The following IDE variants were observed in gnomAD, a reference collection of about 807,000 sequenced individuals.
IDE encodes insulin degrading enzyme.
A neutral mutation model predicts 133.2 loss-of-function variants in IDE; 58 were observed. That is an observed-to-expected ratio of 0.44 (90% confidence interval 0.35 to 0.54). The LOEUF (loss-of-function observed/expected upper bound fraction) is 0.54. Ranked by LOEUF, IDE falls within the 20% of genes least tolerant of loss-of-function variation. The pLI is 0.00. For synonymous variants in IDE, 396 were observed against 421.3 expected (o/e 0.94, Z 0.73); for missense variants, 981 against 1,234.0 (o/e 0.79, Z 3.07).
chr10:92,463,080 A>C (rs578079490), intron 21 of IDE, among the ~76,000 whole-genome samples: 3 of 152,204 alleles, frequency 2.0e-5, no homozygotes, highest in Non-Finnish European at 2.9e-5. Context: ...AACAAAAATA[A>C]AAATTATGGG....
chr10:92,462,788 G>C (rs1343291784), intron 21 of IDE, among the ~76,000 whole-genome samples: 5 of 152,160 alleles, frequency 3.3e-5, no homozygotes, highest in African/African-American at 9.7e-5. Context: ...TACTTAATAA[G>C]GGCTGCAGTG....
At position 92,463,726 on chromosome 10, in the gene IDE, C is replaced by T. The variant is rs1845518461; in HGVS notation, c.2761+5G>A. ...ATAAATGTTGGAGCCCTAATTTTAC[C>T]TTACCTCTGTCAAAATTATATTGCT... On this transcript the variant is annotated splice_donor_5th_base_variant and intron_variant, in intron 21 of 24. Transcript: ENST00000265986. 1.9e-6 allele frequency: 3 copies of T among 1,612,126 alleles called. No homozygotes were observed. The highest frequency in any genetic ancestry group is 1.3e-5 in the African/African-American group (1 of 74,812).
intron 13 of IDE, among the ~76,000 whole-genome samples, chr10:92,486,332 A>G (rs966205824): frequency 1.3e-5 from 2 of 152,174 alleles, no homozygotes; most frequent in African/African-American, 2.4e-5. Flanking sequence ...CCTGGGCAAC[A>G]AGAACAAGAC....
chr10:92,543,273 C>T (rs973376658), intron 1 of IDE, among the ~76,000 whole-genome samples: 2 of 152,194 alleles, frequency 1.3e-5, no homozygotes, highest in African/African-American at 4.8e-5. Context: ...CACCACATAA[C>T]ATTCCCAGTT....
chr10:92,554,125 C>T lies in IDE; in HGVS notation c.99-16575G>A, dbSNP rs145961631. On this transcript the variant is annotated intron_variant, in intron 1 of 24. Coordinates refer to ENST00000265986, the MANE Select transcript of IDE (RefSeq NM_004969.4). The stretch of plus-strand genomic sequence containing the variant: ...TCAACAGCACGTTAAAAGGATCATT[C>T]ACCTTGATCAAGTGAGATTTATCCC... 7.3e-3 allele frequency among the ~76,000 whole-genome samples: 1,107 copies of T among 152,286 alleles called. 10 individuals carry two copies. The highest frequency in any genetic ancestry group is 0.025 in the African/African-American group (1,059 of 41,552).
At chr10:92,571,922 T>C (rs1843805765) in intron 1 of IDE, among the ~76,000 whole-genome samples, 2 of 152,228 alleles carry the variant, frequency 1.3e-5, no homozygotes, top group African/African-American at 4.8e-5. Flanking sequence ...TGTGGTAGCT[T>C]CAGATGTTAG....
At chr10:92,454,966 A>G (rs1306767960) in intron 24 of IDE, among the ~76,000 whole-genome samples, 1 of 152,130 alleles carries the variant, frequency 6.6e-6, no homozygotes, top group Admixed American at 6.5e-5. Context: ...CGCAGGTAAC[A>G]TGGGAGAGAC....
intron 15 of IDE, among the ~76,000 whole-genome samples, chr10:92,477,162 T>C (rs1391481061): frequency 6.6e-6 from 1 of 152,026 alleles, no homozygotes; most frequent in Non-Finnish European, 1.5e-5. Flanking sequence ...AGCACATTTT[T>C]TTTTTTCTGA....
intron 1 of IDE, among the ~76,000 whole-genome samples, chr10:92,539,021 T>C (rs1459972761): frequency 6.6e-6 from 1 of 152,102 alleles, no homozygotes; most frequent in East Asian, 1.9e-4. Flanking sequence ...GATAAGTTTT[T>C]TCTGTGTTAA....
chr10:92,495,037 C>T (rs1432011165), intron 11 of IDE, among the ~76,000 whole-genome samples: 2 of 151,932 alleles, frequency 1.3e-5, no homozygotes, highest in Admixed American at 6.6e-5. Flanking sequence ...TTTAGCCTCT[C>T]TAAACTTCAG....
chr10:92,558,193 C>G (rs542019310), intron 1 of IDE, among the ~76,000 whole-genome samples: 72 of 152,200 alleles, frequency 4.7e-4, no homozygotes, highest in Non-Finnish European at 9.1e-4. Context: ...GCTGGGATTA[C>G]AGGTGCCTGT....
At chr10:92,510,768 T>A (rs192409746) in intron 5 of IDE, among the ~76,000 whole-genome samples, 110 of 103,934 alleles carry the variant, frequency 1.1e-3, no homozygotes, top group African/African-American at 3.5e-3. Context: ...ACATATATGA[T>A]ATATAGCACA....
chr10:92,530,972 A>T (rs1388804422), intron 4 of IDE, among the ~76,000 whole-genome samples: 1 of 152,192 alleles, frequency 6.6e-6, no homozygotes, highest in Admixed American at 6.5e-5. Context: ...TTCTAAGTAC[A>T]TTAAATAATA....
intron 1 of IDE, among the ~76,000 whole-genome samples, chr10:92,558,210 G>A (rs968157507): frequency 1.9e-4 from 29 of 152,022 alleles, no homozygotes; most frequent in Admixed American, 9.8e-4. Flanking sequence ...CTGTCACTAC[G>A]CCAGGCTAAT....
At chr10:92,473,100 G>A (rs1237502854) in intron 17 of IDE, among the ~76,000 whole-genome samples, 33 of 150,694 alleles carry the variant, frequency 2.2e-4, no homozygotes, top group Admixed American at 2.0e-3. Context: ...CCGCCACCAC[G>A]CCCGGCTAAT....
intron 15 of IDE, 74 bp downstream of exon 15, chr10:92,479,203 A>T: frequency 9.4e-7 from 1 of 1,064,064 alleles, no homozygotes. Flanking sequence ...TCACACCCTC[A>T]ATCAAAAAAT....
chr10:92,539,945 CA>C (rs1177688251), intron 1 of IDE, among the ~76,000 whole-genome samples: 1 of 151,478 alleles, frequency 6.6e-6, no homozygotes, highest in African/African-American at 2.4e-5. Flanking sequence ...CAAGGAACCT[CA>C]GATAACAGTC....
intron 1 of IDE, 67 bp downstream of exon 1, chr10:92,573,855 T>C (rs1308872985): frequency 1.8e-5 from 20 of 1,139,580 alleles, no homozygotes; most frequent in Admixed American, 3.9e-5. Context: ...ATCACCACTT[T>C]GCAACCCGAG....
chr10:92,548,359 CAAAAAAAAAAAAAAAAAA>C (rs56347361), intron 1 of IDE, among the ~76,000 whole-genome samples: 9 of 39,702 alleles, frequency 2.3e-4, no homozygotes, highest in African/African-American at 6.0e-4. Flanking sequence ...AACTCCATCT[CAAAAAAAAAAAAAAAAAA>C]AAAAAAAAAA....
Sources: gnomAD v4.1 joint callset for allele counts (sites outside exome capture counted in the v4.1 genomes callset) on GRCh38, gnomAD v4.1.1 for gene constraint, MANE v1.5 for transcripts, NCBI Gene and HGNC (gene_info 2026-07-23, HGNC 2026-07-21) for gene names.